The following FAM184A variants were observed in gnomAD, a reference collection of about 807,000 sequenced individuals.
The protein encoded by FAM184A is protein FAM184A.
FAM184A carries 99 observed loss-of-function variants against 143.8 expected under a neutral mutation model. The ratio of observed to expected loss-of-function variants is 0.69; its 90% CI spans 0.58 to 0.81. The LOEUF (loss-of-function observed/expected upper bound fraction) is 0.81, where lower values mean the gene tolerates loss of function less well. Ranked by LOEUF, FAM184A falls within the 40% of genes least tolerant of loss-of-function variation. The probability of loss-of-function intolerance (pLI) is 0.00; values close to 1 mark genes in which losing one functional copy is unlikely to be tolerated. For missense variants in FAM184A, 1,217 were observed against 1,310.5 expected (o/e 0.93, Z 1.10); for synonymous variants, 427 against 446.4 (o/e 0.96, Z 0.55).
chr6:119,078,313 C>A lies in FAM184A; in HGVS notation c.-14G>T, dbSNP rs773644267. 4.9e-6 allele frequency: 7 copies of A among 1,438,044 alleles called. No homozygotes were observed. The highest frequency in any genetic ancestry group is 6.4e-6 in the Non-Finnish European group (7 of 1,099,470). 89.1% of individuals were successfully genotyped at this position (1,438,044 alleles called of 1,614,324 possible). ...CGGGGTCGCCATCTTCCCAACAGACCCCAGCCGGGGCACCTGTCCCCGCGG... is the reference window on the plus strand; with the variant it reads ...CGGGGTCGCCATCTTCCCAACAGACACCAGCCGGGGCACCTGTCCCCGCGG... On this transcript the variant is annotated 5_prime_UTR_variant, in exon 1 of 18. Coordinates refer to ENST00000338891, the MANE Select transcript of FAM184A (RefSeq NM_024581.6). The surrounding 1 kb of genome is among the most constrained non-coding windows in gnomAD (Gnocchi z 5.5).
intron 9 of FAM184A, among the ~76,000 whole-genome samples, chr6:118,982,478 T>C (rs2114587434): frequency 6.6e-6 from 1 of 152,336 alleles, no homozygotes; most frequent in African/African-American, 2.4e-5. Context: ...ACTTGGCACC[T>C]GACCAAGTGG....
intron 14 of FAM184A, among the ~76,000 whole-genome samples, chr6:118,974,225 A>G (rs1296554375): frequency 6.6e-6 from 1 of 152,164 alleles, no homozygotes; most frequent in African/African-American, 2.4e-5. Context: ...GTGCAGTCTT[A>G]GTTGATAAAA....
At chr6:119,032,943 T>C (rs997428158) in intron 1 of FAM184A, among the ~76,000 whole-genome samples, 2 of 152,108 alleles carry the variant, frequency 1.3e-5, no homozygotes, top group African/African-American at 4.8e-5. Flanking sequence ...TCAAAAACAG[T>C]GGGTTACTTC....
chr6:119,011,436 G>T lies in FAM184A; in HGVS notation c.1531-5C>A. The T allele has an allele frequency of 1.3e-6, 2 of 1,496,666 alleles. No individual in the cohort carries two copies. 92.7% of individuals were successfully genotyped at this position (1,496,666 alleles called of 1,614,324 possible). Reference sequence around the variant, plus strand: ...GTTATGTTGTTCTTCCAAATCCTTAGAAAAAGAAATTTTTTAAAAATTAAC... The same window carrying T: ...GTTATGTTGTTCTTCCAAATCCTTATAAAAAGAAATTTTTTAAAAATTAAC... On this transcript the variant is annotated splice_polypyrimidine_tract_variant and splice_region_variant and intron_variant, in intron 5 of 17. Coordinates refer to ENST00000338891, the MANE Select transcript of FAM184A (RefSeq NM_024581.6).
Position 119,024,541 on chromosome 6 carries a change from T to C in FAM184A, c.432A>G (p.Glu144=), listed in dbSNP as rs766316359. ...HRVEDMQLCA[E]AQHVQRIVTM... ...TCACTATGCGTTGGACATGCTGGGC[T>C]TCTGCACAAAGTTGCATGTCCTCAA... is the stretch of plus-strand genomic sequence containing the variant. The change falls in exon 2 of 18, where the codon GAA becomes GAG. Residue 144 remains glutamate, a synonymous_variant. Coordinates refer to ENST00000338891, the MANE Select transcript of FAM184A (RefSeq NM_024581.6). The C allele has an allele frequency of 1.1e-5, 18 of 1,614,030 alleles. No homozygotes were observed. The highest frequency in any genetic ancestry group is 1.7e-5 in the Admixed American group (1 of 59,988).
intron 4 of FAM184A, among the ~76,000 whole-genome samples, chr6:119,017,519 G>A (rs914304229): frequency 3.3e-5 from 5 of 151,456 alleles, no homozygotes; most frequent in Non-Finnish European, 7.4e-5. Flanking sequence ...AAAGAGTAAA[G>A]GGCTTCCTTT....
At chr6:119,098,612 T>G (rs1434593776) in intron 1 of FAM184A, among the ~76,000 whole-genome samples, 3 of 152,150 alleles carry the variant, frequency 2.0e-5, no homozygotes, top group Non-Finnish European at 1.5e-5. Context: ...TATTTGGAAT[T>G]GGTTGAGGAA....
intron 1 of FAM184A, among the ~76,000 whole-genome samples, chr6:119,069,964 T>C (rs539728178): frequency 3.3e-5 from 5 of 152,104 alleles, no homozygotes; most frequent in Non-Finnish European, 7.4e-5. Context: ...AACTTTGGTA[T>C]AGAGATGGTA....
chr6:119,106,368 G>A (rs1788782432), intron 1 of FAM184A, among the ~76,000 whole-genome samples: 1 of 152,158 alleles, frequency 6.6e-6, no homozygotes, highest in Non-Finnish European at 1.5e-5. Flanking sequence ...ACTCCAGGGT[G>A]GGCGACAGAG....
chr6:118,992,697 C>T (rs1222208947), intron 9 of FAM184A, among the ~76,000 whole-genome samples: 3 of 152,028 alleles, frequency 2.0e-5, no homozygotes, highest in Admixed American at 6.6e-5. Flanking sequence ...AAGGCCGAGG[C>T]GGGAGGACTG....
At chr6:119,147,070 T>TG (rs1772466635) in intron 1 of FAM184A, among the ~76,000 whole-genome samples, 1 of 117,820 alleles carries the variant, frequency 8.5e-6, no homozygotes, top group African/African-American at 3.2e-5. Flanking sequence ...CTCTGTTTTT[T>TG]TTTTTTTTGT....
chr6:119,000,314 G>A (rs34455711), intron 9 of FAM184A, among the ~76,000 whole-genome samples: 17,384 of 152,056 alleles, frequency 0.11, 1,032 homozygotes, highest in South Asian at 0.14. Context: ...TAGTTTTTTC[G>A]CTTTAAAGAA....
intron 1 of FAM184A, among the ~76,000 whole-genome samples, chr6:119,029,842 C>A (rs1165103005): frequency 6.6e-6 from 1 of 152,010 alleles, no homozygotes; most frequent in Non-Finnish European, 1.5e-5. Context: ...TATTGGAGCA[C>A]AGTTATGTCC....
chr6:119,058,726 C>A (rs1307073469), intron 1 of FAM184A, among the ~76,000 whole-genome samples: 2 of 152,124 alleles, frequency 1.3e-5, no homozygotes, highest in Non-Finnish European at 2.9e-5. Flanking sequence ...GGTCTAGCAT[C>A]CCAGCTGAGC....
chr6:119,061,224 C>T (rs1403014230), intron 1 of FAM184A, among the ~76,000 whole-genome samples: 1 of 152,100 alleles, frequency 6.6e-6, no homozygotes, highest in Non-Finnish European at 1.5e-5. Context: ...GTTGCGGTAT[C>T]GGAAAGCTAG....
At chr6:119,077,198 C>T (rs80120757) in intron 1 of FAM184A, among the ~76,000 whole-genome samples, 2,709 of 152,276 alleles carry the variant, frequency 0.018, 37 homozygotes, top group South Asian at 0.045. Flanking sequence ...GAGAACTTTA[C>T]AGTTGAGTCA....
At chr6:119,143,737 T>G (rs1232223752) in intron 1 of FAM184A, among the ~76,000 whole-genome samples, 1 of 152,234 alleles carries the variant, frequency 6.6e-6, no homozygotes, top group African/African-American at 2.4e-5. Context: ...CGATCCCACT[T>G]GGATGAGAGG....
chr6:118,970,009 T>TATATATATATATATATATATA (rs1491454245), intron 14 of FAM184A, among the ~76,000 whole-genome samples: 1 of 23,274 alleles, frequency 4.3e-5, no homozygotes, highest in Non-Finnish European at 8.2e-5. Context: ...TATATATATA[T>TATATATATATATATATATATA]TTTTTTTTTT....
chr6:119,032,056 G>C (rs1785889566), intron 1 of FAM184A, among the ~76,000 whole-genome samples: 1 of 152,132 alleles, frequency 6.6e-6, no homozygotes, highest in South Asian at 2.1e-4. Flanking sequence ...CGGATTACCT[G>C]AGATCAGGAG....
Sources: gnomAD v4.1 joint callset for allele counts (sites outside exome capture counted in the v4.1 genomes callset) on GRCh38, gnomAD v4.1.1 for gene constraint, Gnocchi (gnomAD v3.1) non-coding constraint, MANE v1.5 for transcripts, NCBI Gene and HGNC (gene_info 2026-07-23, HGNC 2026-07-21) for gene names.